The following SMIM14 variants were observed in gnomAD, a reference collection of about 807,000 sequenced individuals.
The protein encoded by SMIM14 is small integral membrane protein 14.
SMIM14 carries 5 observed loss-of-function variants against 12.6 expected under a neutral mutation model. The ratio of observed to expected loss-of-function variants is 0.40; its 90% CI spans 0.21 to 0.83. The LOEUF (loss-of-function observed/expected upper bound fraction) is 0.83. Among genes scored for constraint, SMIM14 ranks in the 40% least tolerant of loss-of-function variants. The pLI is 0.37. For synonymous variants in SMIM14, 30 were observed against 40.1 expected (o/e 0.75, Z 0.95); for missense variants, 86 against 119.1 (o/e 0.72, Z 1.29).
chr4:39,565,076 A>C (rs1306636033), intron 3 of SMIM14, among the ~76,000 whole-genome samples: 2 of 151,980 alleles, frequency 1.3e-5, no homozygotes, highest in African/African-American at 4.8e-5. Flanking sequence ...AAATCAGCCA[A>C]GTGTGGTGGC....
chr4:39,556,928 C>T (rs1712045946), intron 3 of SMIM14, among the ~76,000 whole-genome samples: 2 of 152,136 alleles, frequency 1.3e-5, no homozygotes, highest in African/African-American at 4.8e-5. Flanking sequence ...GCTGGGACTA[C>T]AGGTGTGTGC....
At chr4:39,576,493 G>A (rs1038212983) in intron 2 of SMIM14, among the ~76,000 whole-genome samples, 7 of 151,058 alleles carry the variant, frequency 4.6e-5, no homozygotes, top group Non-Finnish European at 8.8e-5. Context: ...CACTGTGGTT[G>A]AAGCGTCTGA....
chr4:39,593,289 C>T (rs1447277703), intron 2 of SMIM14: 4 of 152,056 alleles, frequency 2.6e-5, no homozygotes, highest in African/African-American at 9.7e-5. Context: ...ATAAACAGAA[C>T]CAAAGACAAA....
intron 3 of SMIM14, among the ~76,000 whole-genome samples, chr4:39,571,115 A>G (rs995661873): frequency 6.6e-6 from 1 of 152,162 alleles, no homozygotes; most frequent in African/African-American, 2.4e-5. Flanking sequence ...TGCAATATTC[A>G]TCTTCCTACT....
At position 39,563,575 on chromosome 4, in the gene SMIM14, A is replaced by T. The variant is rs143427623; in HGVS notation, c.125-7005T>A. ...GCGAACTTGTCTGGCAGCATTTGCCAACTATGCAAATTCAGTCTTCCTGGG... is the reference window on the plus strand; with the variant it reads ...GCGAACTTGTCTGGCAGCATTTGCCTACTATGCAAATTCAGTCTTCCTGGG... On this transcript the variant is annotated intron_variant, in intron 3 of 4. Coordinates refer to ENST00000295958, the MANE Select transcript of SMIM14 (RefSeq NM_174921.3). Among the ~76,000 whole-genome samples, 75 of 152,332 alleles carry T rather than the reference A, an allele frequency of 4.9e-4. No individual in the cohort carries two copies. The East Asian group carries it at 0.011, about 22-fold the overall frequency.
rs1372599508 is a variant in SMIM14, at chr4:39,619,875, TA to T, written c.-35-14696del. Among the ~76,000 whole-genome samples the T allele has an allele frequency of 2.9e-3, 206 of 70,936 alleles. 2 individuals carry two copies. The highest frequency in any genetic ancestry group is 3.7e-3 in the Admixed American group (22 of 5,984). The allele number at this position is 70,936 out of a possible 152,430, so 46.5% of individuals were successfully genotyped here. A position where few individuals can be genotyped will look rare whatever the true frequency, so the allele number is the denominator to read the frequency against. ...TTATATATATTTATATATATATATA[TA>T]TTTTTTTTTTTTTAAGAGCAAGATA... On this transcript the variant is annotated intron_variant, in intron 1 of 4. Coordinates refer to ENST00000295958, the MANE Select transcript of SMIM14 (RefSeq NM_174921.3).
At chr4:39,578,515 T>A (rs1297729943) in intron 2 of SMIM14, among the ~76,000 whole-genome samples, 7 of 152,236 alleles carry the variant, frequency 4.6e-5, no homozygotes, top group Non-Finnish European at 8.8e-5. Flanking sequence ...ATATAGACTT[T>A]AAATATCTTC....
chr4:39,552,004 T>G lies in SMIM14; in HGVS notation c.*122A>C. On this transcript the variant is annotated 3_prime_UTR_variant, in exon 5 of 5. Transcript: ENST00000295958. ...AATTTCTAGAAGCTCATGAAAACAA[T>G]ACCATCCCATATTGCAGATACAAAA... The G allele has an allele frequency of 1.5e-6, 1 of 683,174 alleles. No homozygotes were observed. The highest frequency in any genetic ancestry group is 2.3e-6 in the Non-Finnish European group (1 of 428,244). The allele number at this position is 683,174 out of a possible 1,614,324, so 42.3% of individuals were successfully genotyped here.
At chr4:39,628,630 C>T (rs1322014476) in intron 1 of SMIM14, among the ~76,000 whole-genome samples, 1 of 150,702 alleles carries the variant, frequency 6.6e-6, no homozygotes, top group African/African-American at 2.4e-5. Context: ...TGCAGTGAGA[C>T]GAGATCACAC....
chr4:39,571,807 ATT>A (rs112269050), intron 3 of SMIM14, among the ~76,000 whole-genome samples: 1 of 144,716 alleles, frequency 6.9e-6, no homozygotes, highest in Admixed American at 7.0e-5. Context: ...AAGTTCTTCT[ATT>A]TTTTTTTTTT....
intron 1 of SMIM14, among the ~76,000 whole-genome samples, chr4:39,620,080 C>T (rs1202265006): frequency 2.6e-5 from 4 of 151,022 alleles, no homozygotes; most frequent in African/African-American, 9.7e-5. Context: ...GTAGCTCATG[C>T]CTGTAATCCC....
At chr4:39,577,404 G>C (rs1357417131) in intron 2 of SMIM14, among the ~76,000 whole-genome samples, 2 of 150,310 alleles carry the variant, frequency 1.3e-5, no homozygotes, top group Non-Finnish European at 3.0e-5. Flanking sequence ...TTAGCTCACT[G>C]CTGGGCAGAC....
rs1436675514 is a variant in SMIM14 at position 39,597,084 on chromosome 4, C to CTT, written c.75+7986_75+7987insAA. ...AGCCACGGTGCCCGGCCCAGGTTTCCCTTTTTTTTTTTTTTTTTTTTTAGC... is the reference window on the plus strand; with the variant it reads ...AGCCACGGTGCCCGGCCCAGGTTTCCTTCTTTTTTTTTTTTTTTTTTTTTAGC... On this transcript the variant is annotated intron_variant, in intron 2 of 4. Coordinates refer to ENST00000295958, the MANE Select transcript of SMIM14 (RefSeq NM_174921.3). 4.7e-3 allele frequency among the ~76,000 whole-genome samples: 627 copies of CTT among 133,270 alleles called. 12 individuals carry two copies. Among genetic ancestry groups the CTT allele is most frequent in the African/African-American group, 0.016 (572 of 35,388 alleles). The allele number at this position is 133,270 out of a possible 152,430, so 87.4% of individuals were successfully genotyped here. A position where few individuals can be genotyped will look rare whatever the true frequency, so the allele number is the denominator to read the frequency against.
At chr4:39,564,810 C>G (rs1024530079) in intron 3 of SMIM14, among the ~76,000 whole-genome samples, 1 of 152,182 alleles carries the variant, frequency 6.6e-6, no homozygotes, top group Non-Finnish European at 1.5e-5. Flanking sequence ...ATTTCAGGCA[C>G]AAGGAACAGC....
At chr4:39,555,294 G>A (rs1283506023) in intron 4 of SMIM14, among the ~76,000 whole-genome samples, 10 of 149,886 alleles carry the variant, frequency 6.7e-5, no homozygotes, top group Non-Finnish European at 1.5e-5. Flanking sequence ...GTGTGGTGGT[G>A]TGATCTTGGC....
At chr4:39,587,558 GC>G (rs1424131940) in intron 2 of SMIM14, among the ~76,000 whole-genome samples, 1 of 146,734 alleles carries the variant, frequency 6.8e-6, no homozygotes, top group Non-Finnish European at 1.5e-5. Flanking sequence ...TCCAAAAACA[GC>G]CACAGAATTA....
intron 3 of SMIM14, among the ~76,000 whole-genome samples, chr4:39,571,127 A>G (rs1228777297): frequency 6.6e-6 from 1 of 152,104 alleles, no homozygotes; most frequent in African/African-American, 2.4e-5. Context: ...CTTCCTACTG[A>G]TTCTCACTTT....
rs1578378081 is a variant in SMIM14 at position 39,638,794 on chromosome 4, G to A, written c.-91C>T. 1.0e-6 allele frequency: 1 copy of A among 985,636 alleles called. No homozygotes were observed. Among genetic ancestry groups the A allele is most frequent in the South Asian group, 4.7e-5 (1 of 21,294 alleles). The allele number at this position is 985,636 out of a possible 1,614,324, so 61.1% of individuals were successfully genotyped here. ...GGATGGGGGCCGGGACCGAGGCTCG[G>A]CAGAAAGACCGCCTGGAGCTTCCAG... On this transcript the variant is annotated 5_prime_UTR_variant, in exon 1 of 5. Transcript: ENST00000295958.
chr4:39,630,982 G>A (rs1715875648), intron 1 of SMIM14, among the ~76,000 whole-genome samples: 1 of 152,144 alleles, frequency 6.6e-6, no homozygotes, highest in Admixed American at 6.5e-5. Flanking sequence ...AAGCAAGTCA[G>A]TTTCTTCTAC....
Sources: gnomAD v4.1 joint callset for allele counts (sites outside exome capture counted in the v4.1 genomes callset) on GRCh38, gnomAD v4.1.1 for gene constraint, MANE v1.5 for transcripts, NCBI Gene and HGNC (gene_info 2026-07-23, HGNC 2026-07-21) for gene names.